Variants in SPAM1 observed in about 807,000 individuals in gnomAD.
The protein encoded by SPAM1 is sperm adhesion molecule 1.
A neutral mutation model predicts 29.6 loss-of-function variants in SPAM1; 22 were observed. The ratio of observed to expected loss-of-function variants is 0.74; its 90% CI spans 0.53 to 1.06. The LOEUF is 1.06. Ranked by LOEUF, SPAM1 falls within the 50% of genes least tolerant of loss-of-function variation. SPAM1 has a pLI of 0.00. For synonymous variants in SPAM1, 194 were observed against 204.6 expected, an observed-to-expected ratio of 0.95 and a Z score of 0.44; for missense variants, 534 against 604.0, an observed-to-expected ratio of 0.88 and a Z score of 1.21.
At chr7:123,947,604 ACACAC>A (rs1410270227) in intron 1 of SPAM1, 27 of 150,724 alleles carry the variant, frequency 1.8e-4, no homozygotes, top group African/African-American at 6.3e-4. Flanking sequence ...ACACACACAC[ACACAC>A]ACACACACAC....
chr7:123,949,577 A>G (rs904405231), intron 1 of SPAM1, among the ~76,000 whole-genome samples: 3 of 152,122 alleles, frequency 2.0e-5, no homozygotes, highest in African/African-American at 7.2e-5. Context: ...TTGCTTATCA[A>G]TTGGGTATTG....
chr7:123,963,453 G>A (rs1302562059), downstream of SPAM1, among the ~76,000 whole-genome samples: 1 of 151,576 alleles, frequency 6.6e-6, no homozygotes, highest in African/African-American at 2.4e-5. Context: ...GATACCAATA[G>A]ATTATAGTGT....
chr7:123,959,391 C>A, intron 4 of SPAM1, 93 bp from the exon 5 acceptor site: 2 of 817,914 alleles, frequency 2.4e-6, no homozygotes, highest in African/African-American at 1.7e-5. Context: ...GGTTTTCATT[C>A]TTCTGTAAAA....
chr7:123,934,805 G>C (rs905802680), intron 1 of SPAM1, among the ~76,000 whole-genome samples: 4 of 152,164 alleles, frequency 2.6e-5, no homozygotes, highest in Admixed American at 2.6e-4. Context: ...GAGGCAGAGA[G>C]TAGAATAGTG....
intron 5 of SPAM1, among the ~76,000 whole-genome samples, chr7:123,966,003 G>A (rs1792419979): frequency 6.6e-6 from 1 of 151,866 alleles, no homozygotes; most frequent in Non-Finnish European, 1.5e-5. Context: ...TGGGAGAAAA[G>A]TTTTGTAATC....
At chr7:123,966,062 C>G (rs998996366) in intron 5 of SPAM1, among the ~76,000 whole-genome samples, 11 of 151,796 alleles carry the variant, frequency 7.2e-5, no homozygotes. Flanking sequence ...GGAACTTACA[C>G]AAATACACAA....
downstream of SPAM1, among the ~76,000 whole-genome samples, chr7:123,960,527 A>G (rs1584963583): frequency 6.6e-6 from 1 of 152,108 alleles, no homozygotes; most frequent in East Asian, 1.9e-4. Context: ...CTCTGGTGCC[A>G]CTGAAGACTC....
intron 1 of SPAM1, among the ~76,000 whole-genome samples, chr7:123,945,296 T>A (rs1455549571): frequency 2.6e-5 from 4 of 152,094 alleles, no homozygotes. Context: ...TTTTGGGAGG[T>A]TAATTTTGGG....
intron 5 of SPAM1, among the ~76,000 whole-genome samples, chr7:123,965,155 G>A (rs2117078029): frequency 6.6e-6 from 1 of 152,066 alleles, no homozygotes; most frequent in East Asian, 1.9e-4. Context: ...AAGAAGATCG[G>A]AGTGGGTGGC....
chr7:123,961,236 C>G (rs911315678), downstream of SPAM1, among the ~76,000 whole-genome samples: 2 of 151,722 alleles, frequency 1.3e-5, no homozygotes, highest in Non-Finnish European at 2.9e-5. Flanking sequence ...TTATAGTCAC[C>G]CCCCAGTGCT....
intron 1 of SPAM1, among the ~76,000 whole-genome samples, chr7:123,943,674 G>A (rs1437938274): frequency 6.6e-6 from 1 of 151,970 alleles, no homozygotes; most frequent in Non-Finnish European, 1.5e-5. Flanking sequence ...ATAAATTTAT[G>A]AGGACCAAAA....
At chr7:123,954,634 G>T (rs1792205969) in intron 3 of SPAM1, 110 bp downstream of exon 3, 6 of 712,048 alleles carry the variant, frequency 8.4e-6, no homozygotes, top group Non-Finnish European at 2.3e-6. Context: ...TATTAGTCAG[G>T]AATGTGTACA....
intron 1 of SPAM1, among the ~76,000 whole-genome samples, chr7:123,941,538 A>G (rs1808427219): frequency 6.6e-6 from 1 of 152,210 alleles, no homozygotes. Context: ...AGAGGAAGCA[A>G]TCAGATATGC....
At chr7:123,946,191 T>C (rs1003314921) in intron 1 of SPAM1, among the ~76,000 whole-genome samples, 4 of 152,292 alleles carry the variant, frequency 2.6e-5, no homozygotes, top group Middle Eastern at 3.4e-3. Context: ...TCCATTGTCA[T>C]GAAAGCAGAA....
At chr7:123,947,859 TA>T (rs1322009970) in intron 1 of SPAM1, 3 of 152,116 alleles carry the variant, frequency 2.0e-5, no homozygotes, top group Non-Finnish European at 4.4e-5. Flanking sequence ...TAAAAAAAGA[TA>T]AAAAGTTCTG....
At chr7:123,932,755 G>A (rs756344543) in intron 1 of SPAM1, among the ~76,000 whole-genome samples, 3 of 152,190 alleles carry the variant, frequency 2.0e-5, no homozygotes, top group Non-Finnish European at 4.4e-5. Context: ...GACAAGGATA[G>A]TCTCTTGCCA....
chr7:123,944,088 A>G (rs1190765863), intron 1 of SPAM1, among the ~76,000 whole-genome samples: 2 of 152,150 alleles, frequency 1.3e-5, no homozygotes, highest in Non-Finnish European at 2.9e-5. Flanking sequence ...TTAATGGTTA[A>G]TTTATAGAGA....
At chr7:123,940,532 G>A (rs1171795515) in intron 1 of SPAM1, among the ~76,000 whole-genome samples, 3 of 150,106 alleles carry the variant, frequency 2.0e-5, no homozygotes, top group Non-Finnish European at 3.0e-5. Flanking sequence ...TTTGTCATCC[G>A]GGCTGGGGTG....
In SPAM1 at chr7:123,953,951, T is replaced by C. The variant is rs1196519149; in HGVS notation, c.381T>C (p.Ala127=). Residue 127 remains alanine (A), a synonymous_variant, in exon 3 of 5, where the codon GCT becomes GCC. Coordinates refer to ENST00000682466, the MANE Select transcript of SPAM1 (RefSeq NM_153189.3). ...CCTTACAAGACCATCTGGACAAAGCTAAGAAAGACATTACATTTTATATGC... is the reference window on the plus strand; with the variant it reads ...CCTTACAAGACCATCTGGACAAAGCCAAGAAAGACATTACATTTTATATGC... ...KISLQDHLDK[A]KKDITFYMPV... The C allele has an allele frequency of 1.2e-6, 2 of 1,613,586 alleles. No homozygotes were observed. Among genetic ancestry groups the C allele is most frequent in the Non-Finnish European group, 1.7e-6 (2 of 1,179,808 alleles).
Sources: allele counts gnomAD v4.1 joint callset (sites outside exome capture counted in the v4.1 genomes callset), GRCh38; gene constraint gnomAD v4.1.1; transcripts MANE v1.5; gene names NCBI Gene and HGNC (gene_info 2026-07-23, HGNC 2026-07-21).